Variants in SPPL2A observed in about 807,000 individuals in gnomAD.
SPPL2A encodes the protein signal peptide peptidase-like 2A.
SPPL2A carries 51 observed loss-of-function variants against 63.8 expected under a neutral mutation model. The observed-to-expected ratio is 0.80, with a 90% CI of 0.64 to 1.01. The LOEUF (loss-of-function observed/expected upper bound fraction) is 1.01. Ranked by LOEUF, SPPL2A falls within the 50% of genes least tolerant of loss-of-function variation. SPPL2A has a pLI of 0.00. For missense variants in SPPL2A, 553 were observed against 622.7 expected, an observed-to-expected ratio of 0.89 and a Z score of 1.19; for synonymous variants, 188 against 205.8, an observed-to-expected ratio of 0.91 and a Z score of 0.74.
chr15:50,757,089 C>CTTTTTTTTTTCTTTT (rs1555445040), intron 1 of SPPL2A, among the ~76,000 whole-genome samples: 6 of 128,374 alleles, frequency 4.7e-5, no homozygotes, highest in Non-Finnish European at 8.1e-5. Context: ...TAAATCCTTT[C>CTTTTTTTTTTCTTTT]TTTTTTTTTT....
intron 6 of SPPL2A, among the ~76,000 whole-genome samples, chr15:50,739,046 A>T (rs2062796918): frequency 6.6e-6 from 1 of 151,930 alleles, no homozygotes; most frequent in Admixed American, 6.6e-5. Context: ...GCCACCAAGA[A>T]CTCCTTAATC....
At chr15:50,714,604 C>G (rs928798278) in intron 14 of SPPL2A, among the ~76,000 whole-genome samples, 1 of 143,328 alleles carries the variant, frequency 7.0e-6, no homozygotes, top group Non-Finnish European at 1.5e-5. Context: ...GCACTCCAGC[C>G]TGGGCAATAA....
intron 3 of SPPL2A, among the ~76,000 whole-genome samples, 179 bp from the exon 4 acceptor site, chr15:50,748,381 T>C (rs1356306205): frequency 6.6e-6 from 1 of 151,638 alleles, no homozygotes; most frequent in African/African-American, 2.4e-5. Flanking sequence ...CTTAAACTGA[T>C]AAATGCTATA....
intron 14 of SPPL2A, among the ~76,000 whole-genome samples, chr15:50,718,140 TA>T (rs969580130): frequency 5.3e-5 from 8 of 151,884 alleles, no homozygotes; most frequent in Admixed American, 2.0e-4. Flanking sequence ...ACCCGGCTAA[TA>T]TTTTTTTTGT....
intron 5 of SPPL2A, among the ~76,000 whole-genome samples, chr15:50,745,052 T>C (rs764181133): frequency 6.6e-6 from 1 of 152,230 alleles, no homozygotes; most frequent in Non-Finnish European, 1.5e-5. Flanking sequence ...CTTTCTGGTG[T>C]ATGAATTTAT....
At chr15:50,761,693 T>G (rs1337083671) in intron 1 of SPPL2A, among the ~76,000 whole-genome samples, 2 of 152,074 alleles carry the variant, frequency 1.3e-5, no homozygotes, top group African/African-American at 4.8e-5. Context: ...CCTAGCACTT[T>G]GGGAGGCCGA....
In SPPL2A at chr15:50,749,695, C is replaced by A. The variant is rs190385867; in HGVS notation, c.118G>T (p.Asp40Tyr). ...TAAGGGTTATAAAGCATGCAGTAGT[C>A]CTTGGTTGTGCCATTTCCAGACGCA... The part of the protein sequence containing the change: ...LHASGNGTTK[D>Y]YCMLYNPYWT... Residue 40 changes from aspartate (D) to tyrosine (Y), a missense_variant, in exon 2 of 15, where the codon GAC (aspartate) becomes TAC (tyrosine). By Grantham distance (160) the Asp-to-Tyr change is radical. Transcript: ENST00000261854. 12 of 1,613,818 alleles carry A rather than the reference C, an allele frequency of 7.4e-6. No homozygotes were observed. In the East Asian group the frequency reaches 2.7e-4, roughly 36 times the overall value.
In SPPL2A at chr15:50,703,168, G is replaced by A. The variant is rs2062487310; in HGVS notation, c.*4632C>T. ...ACAGCCTCAAACTCCTGGGCTCAAG[G>A]GACCCTCCCATCTCAGCCAGTACAT... is the stretch of plus-strand genomic sequence containing the variant. On this transcript the variant is annotated 3_prime_UTR_variant, in exon 15 of 15. Transcript: ENST00000261854. 1 of 150,128 alleles carries A rather than the reference G, an allele frequency of 6.7e-6. No individual in the cohort carries two copies. Among genetic ancestry groups the A allele is most frequent in the South Asian group, 2.1e-4 (1 of 4,736 alleles). The allele number at this position is 150,128 out of a possible 1,614,324, so 9.3% of individuals were successfully genotyped here.
At position 50,739,705 on chromosome 15, in the gene SPPL2A, T is replaced by G; in HGVS notation, c.708A>C (p.Leu236Phe). 1 of 1,592,306 alleles carries G rather than the reference T, an allele frequency of 6.3e-7. No homozygotes were observed. Among genetic ancestry groups the G allele is most frequent in the Non-Finnish European group, 8.5e-7 (1 of 1,173,106 alleles). ...CCAACCATTTGTAGAAGAAATAAAG[T>G]AAGACCATCATAACACAGCAGATGA... The part of the protein sequence containing the change: ...FVVICCVMMV[L>F]LYFFYKWLVY... Residue 236 changes from leucine to phenylalanine, a missense_variant, in exon 6 of 15, where the codon TTA becomes TTC. Leu to Phe is a conservative substitution (Grantham distance 22). Transcript: ENST00000261854.
At chr15:50,728,582 G>A (rs1038565821) in intron 10 of SPPL2A, among the ~76,000 whole-genome samples, 3 of 151,418 alleles carry the variant, frequency 2.0e-5, no homozygotes, top group East Asian at 2.0e-4. Flanking sequence ...TCCTGACCTC[G>A]TGATCCGCCC....
At chr15:50,711,355 A>C (rs2062557041) in intron 14 of SPPL2A, among the ~76,000 whole-genome samples, 1 of 151,730 alleles carries the variant, frequency 6.6e-6, no homozygotes, top group Admixed American at 6.6e-5. Flanking sequence ...GATTACAGGC[A>C]CACGCCACCA....
At chr15:50,726,080 T>C in intron 11 of SPPL2A, 3 of 1,485,338 alleles carry the variant, frequency 2.0e-6, no homozygotes, top group African/African-American at 2.8e-5. Context: ...TACTTTCTCA[T>C]GGGGAGCTGA....
chr15:50,750,908 A>T (rs1158702237), intron 1 of SPPL2A, among the ~76,000 whole-genome samples: 1 of 152,258 alleles, frequency 6.6e-6, no homozygotes, highest in African/African-American at 2.4e-5. Context: ...ACCAAAGCAC[A>T]TTATTAGATT....
At chr15:50,764,131 G>T (rs1024817488) in intron 1 of SPPL2A, among the ~76,000 whole-genome samples, 2 of 152,158 alleles carry the variant, frequency 1.3e-5, no homozygotes, top group African/African-American at 2.4e-5. Context: ...GTTGAGAAGG[G>T]ATTAGTACGA....
intron 5 of SPPL2A, among the ~76,000 whole-genome samples, chr15:50,741,104 C>T (rs961742194): frequency 1.3e-5 from 2 of 152,016 alleles, no homozygotes; most frequent in Admixed American, 6.6e-5. Flanking sequence ...AGACAGAAGT[C>T]GAGGAGGAAA....
rs2062485189 is a variant in SPPL2A, at chr15:50,702,780, A to G, written c.*5020T>C. On this transcript the variant is annotated 3_prime_UTR_variant, in exon 15 of 15. Transcript: ENST00000261854. ...AGGACTACTATAAAAATTTAGTTTT[A>G]AAAATAATTTTTCTCCCAATGAACA... 1 of 152,202 alleles carries G rather than the reference A, an allele frequency of 6.6e-6. No homozygotes were observed. The highest frequency in any genetic ancestry group is 2.4e-5 in the African/African-American group (1 of 41,454). The allele number at this position is 152,202 out of a possible 1,614,324, so 9.4% of individuals were successfully genotyped here.
chr15:50,744,214 G>A (rs1243064218), intron 5 of SPPL2A, among the ~76,000 whole-genome samples: 1 of 151,254 alleles, frequency 6.6e-6, no homozygotes, highest in Non-Finnish European at 1.5e-5. Context: ...TAATAATGAA[G>A]GAGAAAAACA....
rs1208773148 is a variant in SPPL2A, at chr15:50,703,804, T to C, written c.*3996A>G. ...CAAAACATCTCATGCACTCCATAAA[T>C]ATATACACCTACATGTACCCACAAT... On this transcript the variant is annotated 3_prime_UTR_variant, in exon 15 of 15. Coordinates refer to ENST00000261854, the MANE Select transcript of SPPL2A (RefSeq NM_032802.4). The C allele has an allele frequency of 6.6e-6, 1 of 152,088 alleles. No individual in the cohort carries two copies. Among genetic ancestry groups the C allele is most frequent in the Non-Finnish European group, 1.5e-5 (1 of 68,026 alleles). The allele number at this position is 152,088 out of a possible 1,614,324, so 9.4% of individuals were successfully genotyped here. A position where few individuals can be genotyped will look rare whatever the true frequency, so the allele number is the denominator to read the frequency against.
chr15:50,739,543 TAA>T, intron 6 of SPPL2A, 135 bp downstream of exon 6: 1 of 534,368 alleles, frequency 1.9e-6, no homozygotes, highest in Non-Finnish European at 3.1e-6. Context: ...CTCTGATAAT[TAA>T]AAAAAAATTA....
Sources: gnomAD v4.1 joint callset for allele counts (sites outside exome capture counted in the v4.1 genomes callset) on GRCh38, gnomAD v4.1.1 for gene constraint, MANE v1.5 for transcripts, NCBI Gene and HGNC (gene_info 2026-07-23, HGNC 2026-07-21) for gene names.